The following MAD1L1 variants were observed in gnomAD, a reference collection of about 807,000 sequenced individuals.
MAD1L1 encodes the protein mitotic arrest deficient 1 like 1, also known as mitotic spindle assembly checkpoint protein MAD1.
Under a neutral mutation model 96.9 loss-of-function variants are expected in MAD1L1, and 95 were observed. The observed-to-expected ratio is 0.98, with a 90% CI of 0.83 to 1.16. The LOEUF is 1.16. MAD1L1 is among the 50% of genes most tolerant of loss of function. The probability of loss-of-function intolerance (pLI) is 0.00; values close to 1 mark genes in which losing one functional copy is unlikely to be tolerated. For synonymous variants in MAD1L1, 473 were observed against 396.6 expected, an observed-to-expected ratio of 1.19 and a Z score of -2.29; for missense variants, 1,007 against 954.4, an observed-to-expected ratio of 1.06 and a Z score of -0.73.
intron 10 of MAD1L1, 123 bp downstream of exon 10, chr7:2,213,089 G>A (rs1793066239): frequency 4.1e-6 from 4 of 985,454 alleles, no homozygotes; most frequent in South Asian, 1.4e-5. Flanking sequence ...CAGGACAAAT[G>A]CCCCGCACCA....
Position 2,219,350 on chromosome 7 carries a change from T to TGCTCCTGCA in MAD1L1, c.569_577dup (p.Leu190_Glu192dup), listed in dbSNP as rs758011706. The stretch of plus-strand genomic sequence containing the variant: ...CGCCCACTTGTGTTGCAGGTCCAGC[T>TGCTCCTGCA]GCTCCTGCAGCTCCTGCTTCTCCGA... On this transcript the variant is annotated inframe_insertion, in exon 6 of 19. Coordinates refer to ENST00000265854, the MANE Select transcript of MAD1L1 (RefSeq NM_001013836.2). 3 of 1,586,254 alleles carry TGCTCCTGCA rather than the reference T, an allele frequency of 1.9e-6. No homozygotes were observed. Among genetic ancestry groups the TGCTCCTGCA allele is most frequent in the East Asian group, 4.6e-5 (2 of 43,858 alleles).
Position 2,069,278 on chromosome 7 carries a change from G to A in MAD1L1, c.1134C>T (p.Gly378=). The A allele has an allele frequency of 1.2e-6, 2 of 1,610,982 alleles. No individual in the cohort carries two copies. The highest frequency in any genetic ancestry group is 1.1e-5 in the South Asian group (1 of 90,866). ...GCTTCTTCCTCTCCTCCAACAGCTGGCCGCTGACCTGCCGGAGCTCCTCCT... is the reference window on the plus strand; with the variant it reads ...GCTTCTTCCTCTCCTCCAACAGCTGACCGCTGACCTGCCGGAGCTCCTCCT... ...QLQEELRQVS[G]QLLEERKKRE... Residue 378 remains glycine (G), a synonymous_variant, in exon 12 of 19, where the codon GGC becomes GGT. Coordinates refer to ENST00000265854, the MANE Select transcript of MAD1L1 (RefSeq NM_001013836.2).
chr7:2,079,249 G>C (rs997028943), intron 11 of MAD1L1, among the ~76,000 whole-genome samples: 1 of 152,236 alleles, frequency 6.6e-6, no homozygotes, highest in Non-Finnish European at 1.5e-5. Flanking sequence ...CTGGGACTCC[G>C]AGAGGGCAGG....
intron 12 of MAD1L1, among the ~76,000 whole-genome samples, chr7:2,060,906 G>A (rs1447562586): frequency 6.6e-6 from 1 of 152,254 alleles, no homozygotes; most frequent in Non-Finnish European, 1.5e-5. Context: ...TGAGCTGGCT[G>A]CATGAACATC....
intron 17 of MAD1L1, among the ~76,000 whole-genome samples, chr7:1,905,045 G>C (rs1310128571): frequency 1.1e-5 from 1 of 88,114 alleles, no homozygotes; most frequent in Non-Finnish European, 2.3e-5. Flanking sequence ...CAAGGATGCA[G>C]TGGCCTATGG....
At chr7:2,121,285 C>T (rs781089126) in intron 11 of MAD1L1, among the ~76,000 whole-genome samples, 3 of 152,260 alleles carry the variant, frequency 2.0e-5, no homozygotes, top group Non-Finnish European at 4.4e-5. Flanking sequence ...CTCCGCCTCT[C>T]CCAACCTCTG....
chr7:2,230,299 G>C, intron 2 of MAD1L1, 156 bp from the exon 3 acceptor site: 1 of 550,692 alleles, frequency 1.8e-6, no homozygotes, highest in South Asian at 2.7e-5. Context: ...TGGCAACTGG[G>C]AGCCATGCTG....
chr7:1,957,421 C>G (rs931350864), intron 16 of MAD1L1, among the ~76,000 whole-genome samples: 1 of 152,206 alleles, frequency 6.6e-6, no homozygotes, highest in African/African-American at 2.4e-5. Flanking sequence ...TGGTGCGGGC[C>G]GCAGAGGACT....
intron 11 of MAD1L1, among the ~76,000 whole-genome samples, chr7:2,097,567 G>A (rs1264655102): frequency 1.3e-5 from 2 of 152,322 alleles, no homozygotes; most frequent in Admixed American, 1.3e-4. Flanking sequence ...GAATGAGAAA[G>A]TGCTTCTCAC....
intron 10 of MAD1L1, among the ~76,000 whole-genome samples, chr7:2,206,933 T>C (rs1792624732): frequency 6.6e-6 from 1 of 151,976 alleles, no homozygotes; most frequent in Admixed American, 6.6e-5. Flanking sequence ...ATACAAAAAT[T>C]AGCCAAGCAT....
chr7:1,874,782 C>T (rs73046378), intron 18 of MAD1L1, among the ~76,000 whole-genome samples: 4,426 of 151,958 alleles, frequency 0.029, 139 homozygotes, highest in Admixed American at 0.076. Flanking sequence ...TGGAGGGCTC[C>T]AGGAGAGAGA....
chr7:2,143,985 C>A (rs1584419986), intron 11 of MAD1L1, among the ~76,000 whole-genome samples: 1 of 152,202 alleles, frequency 6.6e-6, no homozygotes, highest in Non-Finnish European at 1.5e-5. Flanking sequence ...AAAACAGCAC[C>A]AGGCAGGATC....
chr7:1,887,971 G>C (rs1447869191), intron 18 of MAD1L1, among the ~76,000 whole-genome samples: 3 of 77,366 alleles, frequency 3.9e-5, no homozygotes, highest in Non-Finnish European at 7.4e-5. Flanking sequence ...GGCTGCCTAT[G>C]CATGTGTGTG....
chr7:2,105,989 C>CCA (rs879549834), intron 11 of MAD1L1, among the ~76,000 whole-genome samples: 2,874 of 147,818 alleles, frequency 0.019, 79 homozygotes, highest in South Asian at 0.052. Context: ...TGCCCCTGCC[C>CCA]CACATATGGC....
chr7:2,115,980 A>AG (rs5881918), intron 11 of MAD1L1, among the ~76,000 whole-genome samples: 27,555 of 152,226 alleles, frequency 0.18, 2,956 homozygotes, highest in Middle Eastern at 0.33. Context: ...GAGACGGTGG[A>AG]GGGGGGATAA....
intron 18 of MAD1L1, among the ~76,000 whole-genome samples, chr7:1,830,212 C>T (rs1266073005): frequency 3.3e-5 from 5 of 152,200 alleles, no homozygotes; most frequent in Non-Finnish European, 7.3e-5. Context: ...GCCTGGCCAA[C>T]ATGGTGAAAC....
chr7:2,005,938 G>C (rs1308541765), intron 13 of MAD1L1, among the ~76,000 whole-genome samples: 1 of 152,214 alleles, frequency 6.6e-6, no homozygotes, highest in Non-Finnish European at 1.5e-5. Flanking sequence ...GTTCTCAGCA[G>C]AGCAGCCACC....
At chr7:2,089,751 G>A (rs1054514877) in intron 11 of MAD1L1, among the ~76,000 whole-genome samples, 1 of 151,398 alleles carries the variant, frequency 6.6e-6, no homozygotes, top group Admixed American at 6.6e-5. Context: ...CACGTGCATC[G>A]TGTTTAATCA....
At chr7:2,084,078 C>T (rs1785787138) in intron 11 of MAD1L1, among the ~76,000 whole-genome samples, 1 of 152,256 alleles carries the variant, frequency 6.6e-6, no homozygotes, top group Admixed American at 6.5e-5. Context: ...ATCAGTTAAC[C>T]AGCGGCTTCC....
Sources: gnomAD v4.1 joint callset for allele counts (sites outside exome capture counted in the v4.1 genomes callset) on GRCh38, gnomAD v4.1.1 for gene constraint, MANE v1.5 for transcripts, NCBI Gene and HGNC (gene_info 2026-07-23, HGNC 2026-07-21) for gene names.